Variants in SFXN5 observed in about 807,000 individuals in gnomAD.
SFXN5 encodes the protein sideroflexin-5.
SFXN5 carries 43 observed loss-of-function variants against 50.2 expected under a neutral mutation model. The ratio of observed to expected loss-of-function variants is 0.86; its 90% CI spans 0.67 to 1.11. The LOEUF is 1.11. Ranked by LOEUF, SFXN5 falls within the 50% of genes least tolerant of loss-of-function variation. The pLI is 0.00. For missense variants in SFXN5, 463 were observed against 454.1 expected (o/e 1.02, Z -0.18); for synonymous variants, 203 against 185.8 (o/e 1.09, Z -0.75).
intron 10 of SFXN5, among the ~76,000 whole-genome samples, chr2:72,974,389 G>A (rs1423779483): frequency 6.6e-6 from 1 of 152,144 alleles, no homozygotes; most frequent in Non-Finnish European, 1.5e-5. Context: ...AAACCACTGA[G>A]ATGAAAGATG....
chr2:72,956,496 G>C (rs1015083575), intron 13 of SFXN5, among the ~76,000 whole-genome samples: 8 of 152,166 alleles, frequency 5.3e-5, no homozygotes, highest in African/African-American at 1.9e-4. Context: ...CCCAGAAGTG[G>C]GCCTCCTCTT....
chr2:73,043,409 C>A (rs1679902591), intron 2 of SFXN5, among the ~76,000 whole-genome samples: 1 of 152,230 alleles, frequency 6.6e-6, no homozygotes, highest in Non-Finnish European at 1.5e-5. Flanking sequence ...GGAATAACTG[C>A]CAACACAGGC....
Position 72,950,199 on chromosome 2 carries a change from G to A in SFXN5, c.946-5100C>T, listed in dbSNP as rs556593415. Among the ~76,000 whole-genome samples, 4 of 152,252 alleles carry A rather than the reference G, an allele frequency of 2.6e-5. No homozygotes were observed. Among genetic ancestry groups the A allele is most frequent in the African/African-American group, 7.2e-5 (3 of 41,542 alleles). On this transcript the variant is annotated intron_variant, in intron 13 of 13. Transcript: ENST00000272433. This position sits in a 1 kb window ranked among gnomAD's most constrained non-coding sequence, Gnocchi z 4.2. ...CAAGCCTGTGATGGTGGCCTTGGGG[G>A]ACCAGCCCGAGGAGCGAACGTAATG...
intron 3 of SFXN5, among the ~76,000 whole-genome samples, chr2:73,029,046 C>A (rs569172900): frequency 6.6e-6 from 1 of 152,166 alleles, no homozygotes; most frequent in Non-Finnish European, 1.5e-5. Flanking sequence ...CAGCCTCCCC[C>A]GCAGTCAAGT....
rs1015720991 is a variant in SFXN5, at chr2:72,973,692, C to T, written c.626-2007G>A. 6.6e-5 allele frequency among the ~76,000 whole-genome samples: 10 copies of T among 152,284 alleles called. No homozygotes were observed. In the South Asian group the frequency reaches 8.3e-4, roughly 13 times the overall value. The stretch of plus-strand genomic sequence containing the variant: ...TCCAATTCTGGCTCCATATCTCTCC[C>T]GCCTCAGCCCCAGGCGCCCAGGGCT... On this transcript the variant is annotated intron_variant, in intron 10 of 13. Transcript: ENST00000272433. The surrounding 1 kb of genome is among the most constrained non-coding windows in gnomAD (Gnocchi z 5.5).
chr2:72,952,306 A>C (rs1672620757), intron 13 of SFXN5, among the ~76,000 whole-genome samples: 1 of 152,168 alleles, frequency 6.6e-6, no homozygotes, highest in Non-Finnish European at 1.5e-5. Context: ...TGATATTCTT[A>C]GACCAAATCC....
At position 72,953,173 on chromosome 2, in the gene SFXN5, C is replaced by T. The variant is rs1174290836; in HGVS notation, c.945+7958G>A. ...CAAAATGACAGGTGGCGTTGGCGTT[C>T]CTGGGCTCTGAGCGGCTTTGCCATT... On this transcript the variant is annotated intron_variant, in intron 13 of 13. Transcript: ENST00000272433. The surrounding 1 kb of genome is among the most constrained non-coding windows in gnomAD (Gnocchi z 4.1). 2.0e-5 allele frequency among the ~76,000 whole-genome samples: 3 copies of T among 152,136 alleles called. No individual in the cohort carries two copies. The highest frequency in any genetic ancestry group is 1.9e-4 in the East Asian group (1 of 5,170).
rs1001792181 is a variant in SFXN5, at chr2:72,968,658, T to A, written c.742-125A>T. On this transcript the variant is annotated intron_variant, in intron 11 of 13. Transcript: ENST00000272433. ...TGTCTGAATGGCCTTATTCATGGGATTGCTCAGGAAGCTGCATTCCAAACA... is the reference window on the plus strand; with the variant it reads ...TGTCTGAATGGCCTTATTCATGGGAATGCTCAGGAAGCTGCATTCCAAACA... 12 of 778,312 alleles carry A rather than the reference T, an allele frequency of 1.5e-5. No individual in the cohort carries two copies. In the Admixed American group the frequency reaches 2.2e-4, roughly 14 times the overall value. 48.2% of individuals were successfully genotyped at this position (778,312 alleles called of 1,614,324 possible).
intron 6 of SFXN5, among the ~76,000 whole-genome samples, chr2:73,005,019 G>A (rs1401056145): frequency 6.6e-6 from 1 of 152,178 alleles, no homozygotes; most frequent in Non-Finnish European, 1.5e-5. Context: ...GAGAGAGGGA[G>A]CCAGTCCACC....
chr2:72,983,367 T>C (rs963346972), intron 10 of SFXN5, among the ~76,000 whole-genome samples: 1 of 152,118 alleles, frequency 6.6e-6, no homozygotes, highest in African/African-American at 2.4e-5. Context: ...ACATTTAACA[T>C]AGGAGACTGC....
In SFXN5 at chr2:73,047,251, T is replaced by TATATATATATATATATATATACACAC. The variant is rs1559199597; in HGVS notation, c.172-6321_172-6320insGTGTGTATATATATATATATATATAT. ...AAAAAAAAAAAAAAAAAAAAATATA[T>TATATATATATATATATATATACACAC]ATATATATATATATATATATATATA... On this transcript the variant is annotated intron_variant, in intron 2 of 13. Coordinates refer to ENST00000272433, the MANE Select transcript of SFXN5 (RefSeq NM_144579.3). 7.1e-3 allele frequency among the ~76,000 whole-genome samples: 195 copies of TATATATATATATATATATATACACAC among 27,324 alleles called. 13 individuals are homozygous for TATATATATATATATATATATACACAC. The highest frequency in any genetic ancestry group is 0.013 in the Non-Finnish European group (160 of 12,502). 17.9% of individuals were successfully genotyped at this position (27,324 alleles called of 152,430 possible).
At chr2:72,979,325 T>C (rs1342529953) in intron 10 of SFXN5, among the ~76,000 whole-genome samples, 2 of 152,088 alleles carry the variant, frequency 1.3e-5, no homozygotes, top group African/African-American at 2.4e-5. Context: ...TCTATGTTAA[T>C]AGAAAAATTT....
At chr2:73,051,932 G>C in intron 2 of SFXN5, among the ~76,000 whole-genome samples, 1 of 152,214 alleles carries the variant, frequency 6.6e-6, no homozygotes, top group East Asian at 1.9e-4. Flanking sequence ...TAACCATCTC[G>C]TAAAGGCCCC....
chr2:73,022,038 C>T (rs946951297), intron 5 of SFXN5, among the ~76,000 whole-genome samples: 2 of 152,204 alleles, frequency 1.3e-5, no homozygotes, highest in African/African-American at 4.8e-5. Flanking sequence ...AACAACAGTG[C>T]ATCCATTCTG....
Position 73,006,768 on chromosome 2 carries a change from T to A in SFXN5, c.358-5190A>T, listed in dbSNP as rs142516751. On this transcript the variant is annotated intron_variant, in intron 6 of 13. Coordinates refer to ENST00000272433, the MANE Select transcript of SFXN5 (RefSeq NM_144579.3). ...TGCTGTTCTTTCTAGTCCAAAATTC[T>A]GTACCATTATGAATATGCCTTGAAT... Among the ~76,000 whole-genome samples, 331 of 152,362 alleles carry A rather than the reference T, an allele frequency of 2.2e-3. 3 individuals are homozygous for A. Among genetic ancestry groups the A allele is most frequent in the Middle Eastern group, 6.8e-3 (2 of 294 alleles).
At chr2:73,060,252 A>C (rs993537215) in intron 1 of SFXN5, among the ~76,000 whole-genome samples, 10 of 152,304 alleles carry the variant, frequency 6.6e-5, no homozygotes, top group Admixed American at 2.0e-4. Context: ...TCTTACCCCC[A>C]AAAAATGATG....
At chr2:73,000,326 T>G in intron 8 of SFXN5, 105 bp downstream of exon 8, 1 of 1,147,194 alleles carries the variant, frequency 8.7e-7, no homozygotes, top group Non-Finnish European at 1.2e-6. Context: ...AGGGCCATGC[T>G]TAACCAAGAG....
chr2:73,055,772 A>T (rs1352023157), intron 2 of SFXN5, among the ~76,000 whole-genome samples: 1 of 151,566 alleles, frequency 6.6e-6, no homozygotes, highest in Non-Finnish European at 1.5e-5. Flanking sequence ...ACCCACTACC[A>T]CGCCTGGCTA....
At chr2:73,007,170 A>G (rs1674793083) in intron 6 of SFXN5, among the ~76,000 whole-genome samples, 1 of 152,170 alleles carries the variant, frequency 6.6e-6, no homozygotes, top group Admixed American at 6.5e-5. Context: ...GTACGATGAT[A>G]TCAGGACTCA....
Sources: gnomAD v4.1 joint callset for allele counts (sites outside exome capture counted in the v4.1 genomes callset) on GRCh38, gnomAD v4.1.1 for gene constraint, Gnocchi (gnomAD v3.1) non-coding constraint, MANE v1.5 for transcripts, NCBI Gene and HGNC (gene_info 2026-07-23, HGNC 2026-07-21) for gene names.